Variants in MNAT1 observed in about 807,000 individuals in gnomAD.
MNAT1 encodes the protein MNAT1 component of CDK activating kinase, also known as CDK-activating kinase assembly factor MAT1.
A neutral mutation model predicts 42.0 loss-of-function variants in MNAT1; 43 were observed. That is an observed-to-expected ratio of 1.02 (90% confidence interval 0.80 to 1.32). The LOEUF is 1.32. Among genes scored for constraint, MNAT1 ranks in the 40% most tolerant of loss-of-function variants. The pLI is 0.00. For missense variants in MNAT1, 306 were observed against 350.4 expected (o/e 0.87, Z 1.01); for synonymous variants, 118 against 120.0 (o/e 0.98, Z 0.11).
chr14:60,816,864 A>G (rs1229222640), intron 5 of MNAT1, among the ~76,000 whole-genome samples: 1 of 152,052 alleles, frequency 6.6e-6, no homozygotes, highest in East Asian at 1.9e-4. Context: ...CAATATCAAA[A>G]GTGTTTTAGA....
At chr14:60,837,163 G>T (rs557288693) in intron 6 of MNAT1, among the ~76,000 whole-genome samples, 2 of 152,320 alleles carry the variant, frequency 1.3e-5, no homozygotes, top group South Asian at 2.1e-4. Flanking sequence ...TGGGCTCCGT[G>T]GGGGTGGGAT....
intron 1 of MNAT1, among the ~76,000 whole-genome samples, chr14:60,795,338 G>A (rs951691326): frequency 1.3e-5 from 2 of 151,954 alleles, no homozygotes; most frequent in African/African-American, 4.8e-5. Context: ...GGTAGGGCAG[G>A]GATGATTGGG....
Position 60,968,541 on chromosome 14 carries a change from TTTAC to T in MNAT1, c.*196_*199del, listed in dbSNP as rs1386686506. ...GGATATATATTTGTGAAAAATAATTTTTACTTATATTTTTCAGAGGATTTGACAC... is the reference window on the plus strand; with the variant it reads ...GGATATATATTTGTGAAAAATAATTTTTATATTTTTCAGAGGATTTGACAC... On this transcript the variant is annotated 3_prime_UTR_variant, in exon 8 of 8. Coordinates refer to ENST00000261245, the MANE Select transcript of MNAT1 (RefSeq NM_002431.4). 5 of 1,400,614 alleles carry T rather than the reference TTTAC, an allele frequency of 3.6e-6. No individual in the cohort carries two copies. In the Admixed American group the frequency reaches 8.8e-5, roughly 25 times the overall value. The allele number at this position is 1,400,614 out of a possible 1,614,324, so 86.8% of individuals were successfully genotyped here. A position where few individuals can be genotyped will look rare whatever the true frequency, so the allele number is the denominator to read the frequency against.
At chr14:60,766,121 G>A (rs1290487870) in intron 1 of MNAT1, among the ~76,000 whole-genome samples, 2 of 151,824 alleles carry the variant, frequency 1.3e-5, no homozygotes, top group Admixed American at 6.6e-5. Context: ...AGGCCTAGGC[G>A]GGTAGATCAC....
At chr14:60,922,759 T>C (rs2139555672) in intron 7 of MNAT1, among the ~76,000 whole-genome samples, 1 of 152,298 alleles carries the variant, frequency 6.6e-6, no homozygotes, top group Admixed American at 6.5e-5. Flanking sequence ...GTAAGATTTC[T>C]CCATTGCCAA....
At chr14:60,914,418 A>T (rs967517912) in intron 7 of MNAT1, among the ~76,000 whole-genome samples, 2 of 152,008 alleles carry the variant, frequency 1.3e-5, no homozygotes, top group African/African-American at 2.4e-5. Context: ...TGCATTGCTC[A>T]CGCTGGGAGC....
chr14:60,881,976 A>G (rs1480852546), intron 7 of MNAT1, among the ~76,000 whole-genome samples: 2 of 152,224 alleles, frequency 1.3e-5, no homozygotes, highest in East Asian at 1.9e-4. Context: ...CCTGGCCAAC[A>G]TGATGAAACC....
intron 3 of MNAT1, among the ~76,000 whole-genome samples, chr14:60,804,292 G>C (rs1594765843): frequency 6.6e-6 from 1 of 152,078 alleles, no homozygotes; most frequent in Non-Finnish European, 1.5e-5. Context: ...TTTCTTCACG[G>C]CTATTGTACC....
At chr14:60,843,204 C>T (rs1305756906) in intron 6 of MNAT1, among the ~76,000 whole-genome samples, 1 of 152,148 alleles carries the variant, frequency 6.6e-6, no homozygotes, top group East Asian at 1.9e-4. Context: ...GATAGTATCT[C>T]ATTGTAATTT....
intron 7 of MNAT1, among the ~76,000 whole-genome samples, chr14:60,892,510 A>G (rs1191429248): frequency 2.6e-5 from 4 of 152,120 alleles, no homozygotes; most frequent in Admixed American, 6.5e-5. Context: ...TGTAGATAAC[A>G]TATAGTTGGA....
At chr14:60,798,198 C>G (rs1377392109) in intron 3 of MNAT1, 38 bp downstream of exon 3, 1 of 1,089,094 alleles carries the variant, frequency 9.2e-7, no homozygotes, top group African/African-American at 1.6e-5. Context: ...CCTATAAGAC[C>G]ATGTGCTTTT....
At chr14:60,907,782 C>CAAA (rs71114166) in intron 7 of MNAT1, among the ~76,000 whole-genome samples, 1,541 of 76,242 alleles carry the variant, frequency 0.02, 85 homozygotes, top group South Asian at 0.034. Context: ...AACTGTGTCT[C>CAAA]AAAAAAAAAA....
chr14:60,916,150 G>C (rs935917590), intron 7 of MNAT1, among the ~76,000 whole-genome samples: 2 of 152,146 alleles, frequency 1.3e-5, no homozygotes, highest in Non-Finnish European at 2.9e-5. Context: ...ACTTCCATCT[G>C]TTTTATGAGC....
Position 60,740,025 on chromosome 14 carries a change from G to A in MNAT1, c.89+5074G>A, listed in dbSNP as rs1896419931. 6.6e-6 allele frequency among the ~76,000 whole-genome samples: 1 copy of A among 152,118 alleles called. No homozygotes were observed. The highest frequency in any genetic ancestry group is 6.5e-5 in the Admixed American group (1 of 15,270). On this transcript the variant is annotated intron_variant, in intron 1 of 7. Coordinates refer to ENST00000261245, the MANE Select transcript of MNAT1 (RefSeq NM_002431.4). This position sits in a 1 kb window ranked among gnomAD's most constrained non-coding sequence, Gnocchi z 4.1. ...AATAATTAGCTGGGTGTGGTGGCAT[G>A]GGCATGTAATCCCAGGTACTTGGGG...
chr14:60,950,319 T>C (rs2036357171), intron 7 of MNAT1, among the ~76,000 whole-genome samples: 1 of 152,224 alleles, frequency 6.6e-6, no homozygotes, highest in African/African-American at 2.4e-5. Flanking sequence ...GTTTATGAGA[T>C]GGGATAAATT....
At chr14:60,869,392 C>A (rs569444747) in intron 6 of MNAT1, among the ~76,000 whole-genome samples, 13 of 152,082 alleles carry the variant, frequency 8.5e-5, no homozygotes, top group Non-Finnish European at 1.5e-5. Context: ...TATTGAGCAG[C>A]TTTTTGGTGC....
chr14:60,811,612 A>G (rs1176556329), intron 4 of MNAT1, among the ~76,000 whole-genome samples: 1 of 151,960 alleles, frequency 6.6e-6, no homozygotes, highest in Non-Finnish European at 1.5e-5. Flanking sequence ...CTTATTTCTT[A>G]TCTGGGTTAT....
intron 1 of MNAT1, among the ~76,000 whole-genome samples, chr14:60,781,081 C>A (rs549341272): frequency 4.1e-4 from 63 of 152,216 alleles, no homozygotes; most frequent in African/African-American, 1.5e-3. Flanking sequence ...TCCTTTTGAC[C>A]TTCATTTCAT....
At chr14:60,785,911 A>G (rs1215356338) in intron 1 of MNAT1, among the ~76,000 whole-genome samples, 1 of 152,188 alleles carries the variant, frequency 6.6e-6, no homozygotes, top group Non-Finnish European at 1.5e-5. Context: ...GGTCATAATA[A>G]TGGATGCTTG....
Sources: gnomAD v4.1 joint callset for allele counts (sites outside exome capture counted in the v4.1 genomes callset) on GRCh38, gnomAD v4.1.1 for gene constraint, Gnocchi (gnomAD v3.1) non-coding constraint, MANE v1.5 for transcripts, NCBI Gene and HGNC (gene_info 2026-07-23, HGNC 2026-07-21) for gene names.